TSHZ2: variants seen among roughly 807,000 people sequenced by gnomAD.
The protein encoded by TSHZ2 is teashirt zinc finger homeobox 2.
TSHZ2 carries 21 observed loss-of-function variants against 74.4 expected under a neutral mutation model. The ratio of observed to expected loss-of-function variants is 0.28; its 90% CI spans 0.20 to 0.41. The LOEUF (loss-of-function observed/expected upper bound fraction) is 0.41, where lower values mean the gene tolerates loss of function less well. TSHZ2 is among the 10% of genes least tolerant of loss of function. The pLI, the probability that TSHZ2 is intolerant of heterozygous loss-of-function variation, is 1.00. For synonymous variants in TSHZ2, 540 were observed against 515.3 expected, an observed-to-expected ratio of 1.05 and a Z score of -0.65; for missense variants, 1,244 against 1,293.5, an observed-to-expected ratio of 0.96 and a Z score of 0.59.
chr20:53,253,845 C>T lies in TSHZ2; in HGVS notation c.387C>T (p.Tyr129=), dbSNP rs146304825. 141 of 1,614,086 alleles carry T rather than the reference C, an allele frequency of 8.7e-5. No homozygotes were observed. The highest frequency in any genetic ancestry group is 4.0e-4 in the Admixed American group (24 of 60,010). The change falls in exon 2 of 3, where the codon TAC becomes TAT. Residue 129 remains tyrosine, a synonymous_variant. Coordinates refer to ENST00000371497, the MANE Select transcript of TSHZ2 (RefSeq NM_173485.6). ...GCATGGATAAAATGACCGCTGTCTA[C>T]GCCAACATCCTGTCGGATTCCTACT... ...HNCMDKMTAV[Y]ANILSDSYWS... is the part of the protein sequence containing the mutation.
chr20:53,093,897 A>G (rs945281440), intron 1 of TSHZ2, among the ~76,000 whole-genome samples: 7 of 152,216 alleles, frequency 4.6e-5, no homozygotes, highest in East Asian at 3.9e-4. Flanking sequence ...TCAGACTTCA[A>G]CCGTCTTCAA....
At chr20:52,983,475 T>C (rs1044977720) in intron 1 of TSHZ2, among the ~76,000 whole-genome samples, 2 of 152,244 alleles carry the variant, frequency 1.3e-5, no homozygotes, top group African/African-American at 2.4e-5. Flanking sequence ...TCCTGATGAA[T>C]GAATAAATGA....
chr20:53,329,554 C>T (rs1295599655), intron 2 of TSHZ2, among the ~76,000 whole-genome samples: 3 of 151,186 alleles, frequency 2.0e-5, no homozygotes, highest in East Asian at 1.9e-4. Flanking sequence ...CACAGCTGAC[C>T]GTAAACACAC....
intron 2 of TSHZ2, among the ~76,000 whole-genome samples, chr20:53,384,242 A>G (rs1399039366): frequency 6.6e-6 from 1 of 152,210 alleles, no homozygotes; most frequent in Non-Finnish European, 1.5e-5. Flanking sequence ...TTGCTTACAA[A>G]TAGCAGGAAG....
chr20:53,416,661 T>C (rs1264197584), intron 2 of TSHZ2, among the ~76,000 whole-genome samples: 1 of 152,206 alleles, frequency 6.6e-6, no homozygotes, highest in Non-Finnish European at 1.5e-5. Context: ...ATGTTTACCA[T>C]TTGACCTTTT....
chr20:53,455,736 G>C (rs1252676595), intron 2 of TSHZ2, among the ~76,000 whole-genome samples: 1 of 143,568 alleles, frequency 7.0e-6, no homozygotes, highest in Non-Finnish European at 1.5e-5. Context: ...ACAGTCCCCA[G>C]AGTGTGATGT....
At chr20:53,158,209 A>G (rs1195658585) in intron 1 of TSHZ2, among the ~76,000 whole-genome samples, 1 of 152,210 alleles carries the variant, frequency 6.6e-6, no homozygotes, top group Non-Finnish European at 1.5e-5. Context: ...GAGCCGAATG[A>G]GGAAGGCAAA....
intron 1 of TSHZ2, among the ~76,000 whole-genome samples, chr20:53,046,098 G>A (rs1984218856): frequency 6.6e-6 from 1 of 152,140 alleles, no homozygotes; most frequent in Non-Finnish European, 1.5e-5. Flanking sequence ...CATTCCCGAT[G>A]TGTGCTTTAG....
chr20:53,035,002 T>G (rs1457331933), intron 1 of TSHZ2, among the ~76,000 whole-genome samples: 1 of 152,182 alleles, frequency 6.6e-6, no homozygotes, highest in Non-Finnish European at 1.5e-5. Flanking sequence ...AGGAGACTCC[T>G]GTCTAGAAAG....
intron 2 of TSHZ2, among the ~76,000 whole-genome samples, chr20:53,373,859 C>T (rs1981566002): frequency 6.6e-6 from 1 of 152,184 alleles, no homozygotes; most frequent in African/African-American, 2.4e-5. Context: ...ATTACAGTAA[C>T]AACTCCAGGT....
rs545464117 is a variant in TSHZ2 at position 53,148,933 on chromosome 20, T to A, written c.41-104566T>A. On this transcript the variant is annotated intron_variant, in intron 1 of 2. Coordinates refer to ENST00000371497, the MANE Select transcript of TSHZ2 (RefSeq NM_173485.6). ...TCTCACAGAGCAGGAATCAACCTTTTCCTCCATAAATCACAGGAGGAGGTG... is the reference window on the plus strand; with the variant it reads ...TCTCACAGAGCAGGAATCAACCTTTACCTCCATAAATCACAGGAGGAGGTG... 3.9e-5 allele frequency among the ~76,000 whole-genome samples: 6 copies of A among 152,328 alleles called. No homozygotes were observed. In the South Asian group the frequency reaches 1.2e-3, roughly 32 times the overall value.
chr20:53,287,902 A>G (rs1991199522), intron 2 of TSHZ2, among the ~76,000 whole-genome samples: 1 of 152,164 alleles, frequency 6.6e-6, no homozygotes, highest in African/African-American at 2.4e-5. Context: ...TTTATATTCT[A>G]TAAAAATATT....
intron 2 of TSHZ2, among the ~76,000 whole-genome samples, chr20:53,293,045 G>A (rs16997879): frequency 0.041 from 6,256 of 152,234 alleles, 437 homozygotes; most frequent in African/African-American, 0.14. Context: ...TATAAGGGTC[G>A]CCATTGAAAA....
chr20:53,130,253 A>C (rs1167705183), intron 1 of TSHZ2, among the ~76,000 whole-genome samples: 1 of 151,878 alleles, frequency 6.6e-6, no homozygotes, highest in Non-Finnish European at 1.5e-5. Flanking sequence ...TAGAAAGAAA[A>C]GAAAAGAAAA....
At chr20:53,138,603 G>T (rs1265387216) in intron 1 of TSHZ2, among the ~76,000 whole-genome samples, 1 of 151,846 alleles carries the variant, frequency 6.6e-6, no homozygotes, top group African/African-American at 2.4e-5. Context: ...CCAACATATT[G>T]TTCCTTTTAT....
intron 1 of TSHZ2, among the ~76,000 whole-genome samples, chr20:53,043,308 T>TC (rs764338906): frequency 8.5e-5 from 13 of 152,172 alleles, no homozygotes; most frequent in Non-Finnish European, 1.6e-4. Flanking sequence ...GTTTTGCCTC[T>TC]CAGGGGACAT....
At chr20:53,053,742 C>G (rs927675991) in intron 1 of TSHZ2, among the ~76,000 whole-genome samples, 1 of 152,156 alleles carries the variant, frequency 6.6e-6, no homozygotes, top group Admixed American at 6.5e-5. Flanking sequence ...GAACTATCTG[C>G]AAATGTAGAA....
chr20:53,366,585 C>T (rs543490653), intron 2 of TSHZ2, among the ~76,000 whole-genome samples: 26 of 152,154 alleles, frequency 1.7e-4, no homozygotes, highest in Non-Finnish European at 2.9e-4. Context: ...CTTCGCCCAA[C>T]GCAGAGTGCA....
At chr20:53,338,097 C>A (rs559306381) in intron 2 of TSHZ2, among the ~76,000 whole-genome samples, 2 of 152,214 alleles carry the variant, frequency 1.3e-5, no homozygotes, top group Non-Finnish European at 2.9e-5. Context: ...TGAAGTCAAA[C>A]GTGGTCCTGC....
Sources: gnomAD v4.1 joint callset for allele counts (sites outside exome capture counted in the v4.1 genomes callset) on GRCh38, gnomAD v4.1.1 for gene constraint, MANE v1.5 for transcripts, NCBI Gene and HGNC (gene_info 2026-07-23, HGNC 2026-07-21) for gene names.